The following GPC5 variants were observed in gnomAD, a reference collection of about 807,000 sequenced individuals.
GPC5 encodes glypican-5.
Under a neutral mutation model 53.9 loss-of-function variants are expected in GPC5, and 47 were observed. That is an observed-to-expected ratio of 0.87 (90% CI 0.69 to 1.11). The LOEUF (loss-of-function observed/expected upper bound fraction) is 1.11, where lower values mean the gene tolerates loss of function less well. GPC5 is among the 50% of genes most tolerant of loss of function. The pLI, the probability that GPC5 is intolerant of heterozygous loss-of-function variation, is 0.00. For missense variants in GPC5, 748 were observed against 713.1 expected (o/e 1.05, Z -0.56); for synonymous variants, 286 against 263.3 (o/e 1.09, Z -0.84).
intron 7 of GPC5, among the ~76,000 whole-genome samples, chr13:92,471,085 T>C (rs1463272942): frequency 1.3e-5 from 2 of 152,016 alleles, no homozygotes; most frequent in African/African-American, 4.8e-5. Context: ...GCCGTGTCCT[T>C]ATCGGGGCTA....
intron 5 of GPC5, among the ~76,000 whole-genome samples, chr13:91,788,088 A>G (rs1018605182): frequency 1.3e-5 from 2 of 152,190 alleles, no homozygotes; most frequent in Admixed American, 6.5e-5. Flanking sequence ...TTGGCCTGCT[A>G]TAACAAAATG....
intron 7 of GPC5, among the ~76,000 whole-genome samples, chr13:92,582,364 G>C (rs573132803): frequency 4.6e-5 from 7 of 152,080 alleles, no homozygotes; most frequent in Non-Finnish European, 8.8e-5. Flanking sequence ...AAAATGAGTA[G>C]ATGTTTTTAT....
chr13:92,861,663 C>T (rs1366321610), intron 7 of GPC5, among the ~76,000 whole-genome samples: 3 of 152,024 alleles, frequency 2.0e-5, no homozygotes, highest in Non-Finnish European at 4.4e-5. Context: ...CTGTGTGTAT[C>T]CTCAATTTTG....
At chr13:91,920,926 CTTTTT>C (rs869309251) in intron 6 of GPC5, among the ~76,000 whole-genome samples, 1 of 32,156 alleles carries the variant, frequency 3.1e-5, no homozygotes, top group Non-Finnish European at 5.7e-5. Context: ...CTCTCTCTCT[CTTTTT>C]TTTTTTTTTT....
At chr13:92,164,279 A>G (rs1382744968) in intron 7 of GPC5, among the ~76,000 whole-genome samples, 1 of 152,162 alleles carries the variant, frequency 6.6e-6, no homozygotes. Flanking sequence ...AAGGTTTCAT[A>G]TAAGACAAGA....
At chr13:92,316,189 A>G (rs531507080) in intron 7 of GPC5, among the ~76,000 whole-genome samples, 1 of 152,256 alleles carries the variant, frequency 6.6e-6, no homozygotes, top group South Asian at 2.1e-4. Context: ...AAAAATAAAA[A>G]TCAGAATAGT....
chr13:92,737,766 C>CTT (rs33914729), intron 7 of GPC5, among the ~76,000 whole-genome samples: 3,353 of 102,064 alleles, frequency 0.033, 198 homozygotes, highest in East Asian at 0.059. Context: ...TTTTCTTTTT[C>CTT]TTTTTTTTTT....
chr13:91,883,970 T>C (rs1327670871), intron 5 of GPC5, among the ~76,000 whole-genome samples: 1 of 151,938 alleles, frequency 6.6e-6, no homozygotes, highest in African/African-American at 2.4e-5. Context: ...AAAGTAGACA[T>C]ACATGTAACC....
chr13:92,828,906 TG>T (rs530822499), intron 7 of GPC5, among the ~76,000 whole-genome samples: 125 of 152,206 alleles, frequency 8.2e-4, no homozygotes, highest in African/African-American at 2.9e-3. Flanking sequence ...ACTATTCGGG[TG>T]ATGAATACAC....
chr13:92,108,265 G>A (rs1237419128), intron 6 of GPC5, among the ~76,000 whole-genome samples: 1 of 152,082 alleles, frequency 6.6e-6, no homozygotes, highest in East Asian at 1.9e-4. Context: ...GGTAATAAAA[G>A]GGTACTTATG....
At chr13:92,145,177 G>A (rs2041858363) in intron 7 of GPC5, among the ~76,000 whole-genome samples, 188 bp downstream of exon 7, 1 of 151,616 alleles carries the variant, frequency 6.6e-6, no homozygotes, top group South Asian at 2.1e-4. Flanking sequence ...TTTAACTAAT[G>A]ACTTCTAATG....
intron 2 of GPC5, among the ~76,000 whole-genome samples, chr13:91,598,332 AAAC>A (rs2033066139): frequency 6.6e-6 from 1 of 151,808 alleles, no homozygotes; most frequent in Non-Finnish European, 1.5e-5. Context: ...AATTGAAAAA[AAAC>A]TCTTAAATTA....
chr13:92,673,440 A>G (rs12323079), intron 7 of GPC5, among the ~76,000 whole-genome samples: 2,256 of 151,944 alleles, frequency 0.015, 70 homozygotes, highest in African/African-American at 0.051. Flanking sequence ...ACGCACCATG[A>G]TGCCTGGCTA....
intron 2 of GPC5, among the ~76,000 whole-genome samples, chr13:91,493,289 T>C (rs867176998): frequency 2.2e-4 from 33 of 152,194 alleles, no homozygotes; most frequent in Non-Finnish European, 1.0e-4. Flanking sequence ...TGTATAATAA[T>C]CACATCATGG....
chr13:92,010,643 G>A (rs2138773374), intron 6 of GPC5, among the ~76,000 whole-genome samples: 1 of 152,226 alleles, frequency 6.6e-6, no homozygotes, highest in East Asian at 1.9e-4. Context: ...TATAAGAAGA[G>A]GAAGATACAT....
intron 2 of GPC5, among the ~76,000 whole-genome samples, chr13:91,626,617 G>A (rs1399662444): frequency 6.6e-6 from 1 of 151,704 alleles, no homozygotes; most frequent in Non-Finnish European, 1.5e-5. Flanking sequence ...CTAAAATAAT[G>A]TTTTTAGACA....
At chr13:92,576,702 T>C (rs76794921) in intron 7 of GPC5, among the ~76,000 whole-genome samples, 3,100 of 152,266 alleles carry the variant, frequency 0.02, 111 homozygotes, top group African/African-American at 0.071. Flanking sequence ...ATCCATCCCT[T>C]AACCTCAAAA....
At chr13:91,441,649 A>T (rs1409024920) in intron 1 of GPC5, among the ~76,000 whole-genome samples, 1 of 152,246 alleles carries the variant, frequency 6.6e-6, no homozygotes, top group East Asian at 1.9e-4. Context: ...AGCTCTCAGC[A>T]GATTGTTCTA....
intron 5 of GPC5, among the ~76,000 whole-genome samples, chr13:91,903,353 A>C (rs2039518862): frequency 1.3e-5 from 2 of 152,040 alleles, no homozygotes; most frequent in Admixed American, 6.6e-5. Context: ...TGCTTCTCTG[A>C]GCATTCATGT....
Sources: gnomAD v4.1 joint callset for allele counts (sites outside exome capture counted in the v4.1 genomes callset) on GRCh38, gnomAD v4.1.1 for gene constraint, MANE v1.5 for transcripts, NCBI Gene and HGNC (gene_info 2026-07-23, HGNC 2026-07-21) for gene names.